RTN3: variants seen among roughly 807,000 people sequenced by gnomAD.
RTN3 encodes the protein reticulon 3.
A neutral mutation model predicts 77.8 loss-of-function variants in RTN3; 49 were observed. That is an observed-to-expected ratio of 0.63 (90% CI 0.50 to 0.80). The LOEUF is 0.80. RTN3 is among the 30% of genes least tolerant of loss of function. The probability of loss-of-function intolerance (pLI) is 0.00; values close to 1 mark genes in which losing one functional copy is unlikely to be tolerated. For synonymous variants in RTN3, 464 were observed against 446.9 expected (o/e 1.04, Z -0.48); for missense variants, 1,236 against 1,211.9 (o/e 1.02, Z -0.29).
chr11:63,734,412 A>G (rs1014268129), intron 3 of RTN3, among the ~76,000 whole-genome samples: 2 of 151,488 alleles, frequency 1.3e-5, no homozygotes, highest in Non-Finnish European at 2.9e-5. Flanking sequence ...ACACCACTGC[A>G]CTCCAGCATG....
rs140534064 is a variant in RTN3, at chr11:63,718,716, C to G, written c.214C>G (p.Leu72Val). ...FSTSQEGLSS[L>V]CSDEPSSEIM... is the part of the protein sequence containing the mutation. ...TCTGATCATAGAGGGATTGAGCTCT[C>G]TTTGCTCTGATGAGCCATCTTCAGA... The change falls in exon 3 of 9, where the codon CTT becomes GTT. Residue 72 changes from leucine to valine, a missense_variant. By Grantham distance (32) the Leu-to-Val change is conservative. Coordinates refer to ENST00000377819, the MANE Select transcript of RTN3 (RefSeq NM_001265589.2). The G allele has an allele frequency of 1.1e-5, 17 of 1,587,618 alleles. No individual in the cohort carries two copies. In the African/African-American group the frequency reaches 1.8e-4, roughly 17 times the overall value.
intron 3 of RTN3, among the ~76,000 whole-genome samples, chr11:63,726,718 G>A (rs1018161229): frequency 3.3e-5 from 5 of 151,872 alleles, no homozygotes; most frequent in African/African-American, 7.2e-5. Flanking sequence ...AAAATTAGCC[G>A]GGCACATTGG....
chr11:63,753,442 AAAG>A (rs1236032402), intron 6 of RTN3, among the ~76,000 whole-genome samples: 1 of 152,242 alleles, frequency 6.6e-6, no homozygotes, highest in Non-Finnish European at 1.5e-5. Context: ...TTTGTGGTAC[AAAG>A]AAGGTAGCCT....
chr11:63,757,292 T>C (rs576608855), intron 8 of RTN3, among the ~76,000 whole-genome samples: 11 of 152,360 alleles, frequency 7.2e-5, no homozygotes, highest in African/African-American at 2.6e-4. Context: ...TTCTTCTTTT[T>C]ACTTTTTTTC....
intron 3 of RTN3, chr11:63,746,905 G>C: frequency 2.2e-6 from 1 of 451,966 alleles, no homozygotes; most frequent in Non-Finnish European, 4.5e-6. Context: ...TTTGTCAGTT[G>C]TACCAATGAT....
At chr11:63,749,560 T>C (rs549543026) in intron 3 of RTN3, among the ~76,000 whole-genome samples, 1 of 152,356 alleles carries the variant, frequency 6.6e-6, no homozygotes, top group South Asian at 2.1e-4. Flanking sequence ...TGCTTTATCA[T>C]CCTTTCTGCC....
rs1453562667 is a variant in RTN3, at chr11:63,753,101, T to C, written c.2910T>C (p.Val970=). 1 of 1,614,228 alleles carries C rather than the reference T, an allele frequency of 6.2e-7. No homozygotes were observed. Among genetic ancestry groups the C allele is most frequent in the African/African-American group, 1.3e-5 (1 of 75,066 alleles). Residue 970 remains valine, a synonymous_variant, in exon 6 of 9, where the codon GTT becomes GTC. Coordinates refer to ENST00000377819, the MANE Select transcript of RTN3 (RefSeq NM_001265589.2). ...TCTTCATGTGGCTGATGACCTATGT[T>C]GGTGCTGTTTTTAACGGAATCACCC... is the stretch of plus-strand genomic sequence containing the variant. ...LAVFMWLMTY[V]GAVFNGITLL...
At chr11:63,709,795 T>G (rs983117700) in intron 2 of RTN3, among the ~76,000 whole-genome samples, 1 of 152,126 alleles carries the variant, frequency 6.6e-6, no homozygotes, top group Non-Finnish European at 1.5e-5. Context: ...CAAACCTCCC[T>G]CAAATGAATA....
chr11:63,749,862 AAAAC>A (rs2014007592), intron 3 of RTN3, 125 bp from the exon 4 acceptor site: 1 of 730,354 alleles, frequency 1.4e-6, no homozygotes, highest in African/African-American at 1.8e-5. Flanking sequence ...TCTCTTTAAA[AAAAC>A]AAAACCAGAT....
intron 3 of RTN3, among the ~76,000 whole-genome samples, chr11:63,742,867 A>T (rs530412160): frequency 2.5e-4 from 38 of 151,556 alleles, no homozygotes; most frequent in African/African-American, 5.8e-4. Context: ...ATATATATAT[A>T]TTTTTGTTTG....
intron 3 of RTN3, among the ~76,000 whole-genome samples, chr11:63,736,228 A>G (rs1422009195): frequency 6.6e-6 from 1 of 152,172 alleles, no homozygotes; most frequent in Non-Finnish European, 1.5e-5. Flanking sequence ...CTCAGCTCCT[A>G]GAAGCTGCCT....
intron 1 of RTN3, among the ~76,000 whole-genome samples, 185 bp from the exon 2 acceptor site, chr11:63,704,666 A>C (rs763269345): frequency 1.1e-4 from 17 of 152,172 alleles, no homozygotes; most frequent in Non-Finnish European, 2.4e-4. Context: ...TGCATCTTGA[A>C]AATAAAATAA....
intron 2 of RTN3, among the ~76,000 whole-genome samples, chr11:63,712,007 G>T (rs552434829): frequency 6.6e-6 from 1 of 152,310 alleles, no homozygotes; most frequent in South Asian, 2.1e-4. Context: ...GGGCTCTCAA[G>T]CATCTTTATC....
At chr11:63,700,961 G>A (rs567258746) in intron 1 of RTN3, among the ~76,000 whole-genome samples, 12 of 151,502 alleles carry the variant, frequency 7.9e-5, no homozygotes, top group South Asian at 4.2e-4. Flanking sequence ...GTGGTGGTGC[G>A]CGCCTGTAGT....
Position 63,719,331 on chromosome 11 carries a change from G to A in RTN3, c.829G>A (p.Val277Met), listed in dbSNP as rs778054361. Residue 277 changes from valine (V) to methionine (M), a missense_variant, in exon 3 of 9, where the codon GTG (valine) becomes ATG (methionine). Coordinates refer to ENST00000377819, the MANE Select transcript of RTN3 (RefSeq NM_001265589.2). Reference protein sequence around the residue: ...ESTDDFGSWSVHTDKESSEDI... With the variant: ...ESTDDFGSWSMHTDKESSEDI... ...CACAGATGATTTTGGTAGCTGGTCTGTGCACACTGATAAAGAATCATCCGA... is the reference window on the plus strand; with the variant it reads ...CACAGATGATTTTGGTAGCTGGTCTATGCACACTGATAAAGAATCATCCGA... 3.7e-6 allele frequency: 6 copies of A among 1,614,158 alleles called. No homozygotes were observed. The highest frequency in any genetic ancestry group is 4.2e-6 in the Non-Finnish European group (5 of 1,180,030).
At position 63,720,671 on chromosome 11, in the gene RTN3, A is replaced by G. The variant is rs775842435; in HGVS notation, c.2169A>G (p.Leu723=). The G allele has an allele frequency of 1.2e-6, 2 of 1,614,200 alleles. No homozygotes were observed. Among genetic ancestry groups the G allele is most frequent in the Non-Finnish European group, 1.7e-6 (2 of 1,180,018 alleles). The part of the protein sequence containing the change: ...QSKETNGSEP[L]GVFPTQGTPV... The stretch of plus-strand genomic sequence containing the variant: ...AAGAAACAAATGGAAGTGAGCCTCT[A>G]GGTGTTTTCCCTACCCAAGGTACTC... Residue 723 remains leucine (L), a synonymous_variant, in exon 3 of 9, where the codon CTA becomes CTG. Coordinates refer to ENST00000377819, the MANE Select transcript of RTN3 (RefSeq NM_001265589.2).
Position 63,719,192 on chromosome 11 carries a change from A to G in RTN3, c.690A>G (p.Pro230=). The change falls in exon 3 of 9, where the codon CCA becomes CCG. Residue 230 remains proline (P), a synonymous_variant. Transcript: ENST00000377819. ...VEGIYTYSLS[P]SKVSGDDVIE... is the part of the protein sequence containing the mutation. ...GCATTTATACATATTCTTTGTCTCC[A>G]TCCAAAGTTTCAGGAGATGATGTTA... 6.2e-7 allele frequency: 1 copy of G among 1,614,214 alleles called. No homozygotes were observed. Among genetic ancestry groups the G allele is most frequent in the Non-Finnish European group, 8.5e-7 (1 of 1,180,026 alleles).
Position 63,719,319 on chromosome 11 carries a change from G to C in RTN3, c.817G>C (p.Gly273Arg), listed in dbSNP as rs748391524. The C allele has an allele frequency of 1.2e-6, 2 of 1,614,154 alleles. No individual in the cohort carries two copies. Among genetic ancestry groups the C allele is most frequent in the Admixed American group, 3.3e-5 (2 of 60,024 alleles). ...ATATAAGGAGAGCACAGATGATTTT[G>C]GTAGCTGGTCTGTGCACACTGATAA... ...DSYKESTDDF[G>R]SWSVHTDKES... Residue 273 changes from glycine to arginine, a missense_variant, in exon 3 of 9, where the codon GGT becomes CGT. Gly to Arg is a moderately radical substitution (Grantham distance 125). Around this residue, in one of 3 missense-constraint regions of RTN3, gnomAD observed 1,056 missense variants for 990.4 expected, o/e 1.07. Coordinates refer to ENST00000377819, the MANE Select transcript of RTN3 (RefSeq NM_001265589.2).
rs566713435 is a variant in RTN3, at chr11:63,683,377, G to A, written c.142+1599G>A. Among the ~76,000 whole-genome samples the A allele has an allele frequency of 2.8e-3, 423 of 152,224 alleles. 1 individual carries two copies. The highest frequency in any genetic ancestry group is 9.6e-3 in the African/African-American group (399 of 41,526). ...TGCTTACTGTTTGGTAGGCCCTTTT[G>A]TACTTACCTTTTGGGTTTTCTTGAT... On this transcript the variant is annotated intron_variant, in intron 1 of 8. Transcript: ENST00000377819.
Sources: gnomAD v4.1 joint callset for allele counts (sites outside exome capture counted in the v4.1 genomes callset) on GRCh38, gnomAD v4.1.1 for gene constraint, gnomAD v4.1.1 regional missense constraint, MANE v1.5 for transcripts, NCBI Gene and HGNC (gene_info 2026-07-23, HGNC 2026-07-21) for gene names.